RNLS: variants seen among roughly 807,000 people sequenced by gnomAD.
RNLS encodes renalase.
Under a neutral mutation model 39.8 loss-of-function variants are expected in RNLS, and 39 were observed. That is an observed-to-expected ratio of 0.98 (90% CI 0.76 to 1.28). The LOEUF is 1.28. Among genes scored for constraint, RNLS ranks in the 50% most tolerant of loss-of-function variants. The pLI is 0.00. For synonymous variants in RNLS, 147 were observed against 150.7 expected, an observed-to-expected ratio of 0.98 and a Z score of 0.18; for missense variants, 410 against 413.3, an observed-to-expected ratio of 0.99 and a Z score of 0.07.
At chr10:88,230,943 G>T in the RNLS span, among the ~76,000 whole-genome samples, 2 of 152,160 alleles carry the variant, frequency 1.3e-5, no homozygotes, top group South Asian at 4.1e-4. Context: ...GTCAGGCCAG[G>T]ATTTACTTCC....
chr10:88,244,370 C>A, the RNLS span, among the ~76,000 whole-genome samples: 1 of 152,322 alleles, frequency 6.6e-6, no homozygotes, highest in East Asian at 1.9e-4. Context: ...TATTAGGAGG[C>A]AACGCCCCCC....
At chr10:88,411,773 G>A (rs995483793) in intron 4 of RNLS, among the ~76,000 whole-genome samples, 3 of 152,082 alleles carry the variant, frequency 2.0e-5, no homozygotes, top group African/African-American at 7.2e-5. Flanking sequence ...ATCTAACTCT[G>A]TCTGTTTTGG....
intron 4 of RNLS, among the ~76,000 whole-genome samples, chr10:88,481,635 T>C (rs1385112804): frequency 6.6e-6 from 1 of 152,152 alleles, no homozygotes; most frequent in Non-Finnish European, 1.5e-5. Flanking sequence ...ATAAATTACA[T>C]ATATGTATGT....
At chr10:88,266,988 T>A in the RNLS span, among the ~76,000 whole-genome samples, 79 of 152,288 alleles carry the variant, frequency 5.2e-4, 1 homozygote, top group African/African-American at 1.7e-3. Flanking sequence ...TTGTCTTTGG[T>A]CTTCATAGCC....
At chr10:88,277,164 A>G (rs1217113526) in intron 6 of RNLS, among the ~76,000 whole-genome samples, 1 of 152,218 alleles carries the variant, frequency 6.6e-6, no homozygotes, top group Non-Finnish European at 1.5e-5. Context: ...GGGTAAGTTC[A>G]TGTCCTTTGC....
intron 4 of RNLS, among the ~76,000 whole-genome samples, chr10:88,392,052 T>C (rs1461872635): frequency 6.6e-6 from 1 of 152,240 alleles, no homozygotes; most frequent in Non-Finnish European, 1.5e-5. Context: ...AATATTCCAC[T>C]CATAATATTG....
In RNLS at chr10:88,582,284, T is replaced by A; in HGVS notation, c.142A>T (p.Ser48Cys). ...DSGGRMTTAC[S>C]PHNPQCTADL... ...GCTGTGCACTGAGGATTATGAGGAC[T>A]GCAGGCTGTAGTCATTCTTCCCCCT... Residue 48 changes from serine (S) to cysteine (C), a missense_variant, in exon 2 of 7, where the codon AGT becomes TGT. By Grantham distance (112) the Ser-to-Cys change is moderately radical (BLOSUM62 -1). Coordinates refer to ENST00000331772, the MANE Select transcript of RNLS (RefSeq NM_001031709.3). 6.2e-7 allele frequency: 1 copy of A among 1,613,986 alleles called. No individual in the cohort carries two copies. The highest frequency in any genetic ancestry group is 8.5e-7 in the Non-Finnish European group (1 of 1,179,924).
At chr10:88,298,090 T>C (rs1844219415) in intron 6 of RNLS, among the ~76,000 whole-genome samples, 1 of 152,208 alleles carries the variant, frequency 6.6e-6, no homozygotes, top group Admixed American at 6.5e-5. Context: ...TTTTACCTTT[T>C]CATGTGCTTA....
intron 5 of RNLS, among the ~76,000 whole-genome samples, chr10:88,329,421 A>G (rs1846910877): frequency 1.3e-5 from 2 of 151,618 alleles, no homozygotes; most frequent in African/African-American, 4.8e-5. Flanking sequence ...AGCTGCTTTT[A>G]TGGTTTTTTC....
intron 4 of RNLS, among the ~76,000 whole-genome samples, chr10:88,434,957 T>C (rs1855377335): frequency 6.6e-6 from 1 of 151,868 alleles, no homozygotes; most frequent in Non-Finnish European, 1.5e-5. Context: ...GCTAGAGATT[T>C]TGAATCATTA....
At chr10:88,367,735 A>C (rs963711727) in intron 4 of RNLS, among the ~76,000 whole-genome samples, 2 of 152,096 alleles carry the variant, frequency 1.3e-5, no homozygotes, top group Non-Finnish European at 2.9e-5. Flanking sequence ...ATACTATTAC[A>C]TTGTCGTTTT....
intron 4 of RNLS, among the ~76,000 whole-genome samples, chr10:88,461,008 A>G (rs555974649): frequency 1.3e-5 from 2 of 152,216 alleles, no homozygotes; most frequent in South Asian, 4.1e-4. Flanking sequence ...GTGTCTGTGG[A>G]AAGGTGGAGA....
the RNLS span, among the ~76,000 whole-genome samples, chr10:88,217,343 CT>C: frequency 6.6e-6 from 1 of 152,100 alleles, no homozygotes; most frequent in Non-Finnish European, 1.5e-5. Context: ...CAGAAATAAC[CT>C]TTTCATCAGT....
At chr10:88,243,651 A>G in the RNLS span, among the ~76,000 whole-genome samples, 5 of 152,364 alleles carry the variant, frequency 3.3e-5, no homozygotes, top group Non-Finnish European at 7.3e-5. Context: ...AACTGCGGGG[A>G]AAAACGGAAG....
rs572205130 is a variant in RNLS at position 88,410,996 on chromosome 10, G to GT, written c.527-48272dup. Among the ~76,000 whole-genome samples the GT allele has an allele frequency of 3.5e-4, 54 of 152,212 alleles. 1 individual carries two copies. Among genetic ancestry groups the GT allele is most frequent in the African/African-American group, 1.2e-3 (48 of 41,550 alleles). On this transcript the variant is annotated intron_variant, in intron 4 of 6. Coordinates refer to ENST00000331772, the MANE Select transcript of RNLS (RefSeq NM_001031709.3). The stretch of plus-strand genomic sequence containing the variant: ...TGATTTCAACATCATTCTCCTCTTG[G>GT]TGCTGTTACATGGCTAGGCTCAGAG...
At chr10:88,294,447 GT>G (rs199693450) in intron 6 of RNLS, among the ~76,000 whole-genome samples, 7 of 149,568 alleles carry the variant, frequency 4.7e-5, no homozygotes, top group South Asian at 2.1e-4. Context: ...TTGAAAACAG[GT>G]TTTTTTTTTA....
At chr10:88,406,455 A>G (rs1813675) in intron 4 of RNLS, among the ~76,000 whole-genome samples, 15,185 of 151,934 alleles carry the variant, frequency 0.1, 1,217 homozygotes, top group African/African-American at 0.22. Context: ...TTGGATTGGG[A>G]TAATTCGAAG....
chr10:88,247,927 T>G, the RNLS span, among the ~76,000 whole-genome samples: 1 of 152,200 alleles, frequency 6.6e-6, no homozygotes, highest in African/African-American at 2.4e-5. Context: ...CAGCCTCTAG[T>G]TGCTGGAAAA....
chr10:88,472,943 C>T lies in RNLS; in HGVS notation c.526+99960G>A, dbSNP rs189217649. Among the ~76,000 whole-genome samples, 102 of 152,230 alleles carry T rather than the reference C, an allele frequency of 6.7e-4. 1 individual carries two copies. In the South Asian group the frequency reaches 7.3e-3, roughly 11 times the overall value. ...TTTAACTAGTCATGCATAACTTAAC[C>T]GTGAGGATATGTTCTAAGAAATATA... On this transcript the variant is annotated intron_variant, in intron 4 of 6. Transcript: ENST00000331772.
Sources: allele counts gnomAD v4.1 joint callset (sites outside exome capture counted in the v4.1 genomes callset), GRCh38; gene constraint gnomAD v4.1.1; transcripts MANE v1.5; gene names NCBI Gene and HGNC (gene_info 2026-07-23, HGNC 2026-07-21).